Variants in C12orf42 observed in about 807,000 individuals in gnomAD.
The protein encoded by C12orf42 is uncharacterized protein C12orf42.
In C12orf42, 25 loss-of-function variants were observed where a neutral mutation model predicts 21.6. The ratio of observed to expected loss-of-function variants is 1.16; its 90% CI spans 0.84 to 1.62. The LOEUF (loss-of-function observed/expected upper bound fraction) is 1.62. Ranked by LOEUF, C12orf42 falls within the 40% of genes most tolerant of loss-of-function variation. The pLI is 0.00. For missense variants in C12orf42, 483 were observed against 459.3 expected, an observed-to-expected ratio of 1.05 and a Z score of -0.47; for synonymous variants, 174 against 175.0, an observed-to-expected ratio of 0.99 and a Z score of 0.05.
the C12orf42 span, among the ~76,000 whole-genome samples, chr12:103,528,380 A>T: frequency 6.6e-6 from 1 of 152,236 alleles, no homozygotes; most frequent in African/African-American, 2.4e-5. Flanking sequence ...CCTTTGCCTG[A>T]TGCTATAGTT....
chr12:103,451,233 G>C (rs1419034914), intron 2 of C12orf42, among the ~76,000 whole-genome samples: 3 of 151,320 alleles, frequency 2.0e-5, no homozygotes, highest in Non-Finnish European at 4.4e-5. Flanking sequence ...TTATTTATTT[G>C]TTTATTTATT....
At chr12:103,155,237 C>T in the C12orf42 span, 1 of 152,168 alleles carries the variant, frequency 6.6e-6, no homozygotes, top group African/African-American at 2.4e-5. Context: ...ACGGCCAAAT[C>T]ACAGCTCTGA....
chr12:103,505,487 G>C, the C12orf42 span: 2 of 386,338 alleles, frequency 5.2e-6, 1 homozygote, highest in South Asian at 4.2e-5. Context: ...TCATGGGAAC[G>C]TGGTAGGGAC....
At chr12:103,244,020 G>A (rs898297648) in intron 10 of C12orf42, among the ~76,000 whole-genome samples, 7 of 152,080 alleles carry the variant, frequency 4.6e-5, no homozygotes, top group African/African-American at 1.7e-4. Context: ...AATTTTCCAA[G>A]GTTGATTCCA....
the C12orf42 span, among the ~76,000 whole-genome samples, chr12:103,123,235 A>T: frequency 6.6e-6 from 1 of 152,202 alleles, no homozygotes; most frequent in Admixed American, 6.5e-5. Context: ...AGGTTACCTA[A>T]GGAAAAATTC....
At chr12:103,158,985 G>A in the C12orf42 span, among the ~76,000 whole-genome samples, 2,535 of 145,956 alleles carry the variant, frequency 0.017, 28 homozygotes, top group South Asian at 0.035. Flanking sequence ...AGAAGGTACA[G>A]TTTTATCTGT....
Position 103,284,158 on chromosome 12 carries a change from G to A in C12orf42, n.338-6948C>T, listed in dbSNP as rs185130522. Among the ~76,000 whole-genome samples, 51 of 152,184 alleles carry A rather than the reference G, an allele frequency of 3.4e-4. No homozygotes were observed. In the East Asian group the frequency reaches 4.8e-3, roughly 14 times the overall value. On this transcript the variant is annotated intron_variant and non_coding_transcript_variant, in intron 4 of 6. Transcript: ENST00000546526. ...TGTCTCGGAGAACATTACATAAGAC[G>A]GCAAGGGCTTCTTTTATTTCTGAAA...
At chr12:103,345,473 T>C (rs2042536941) in intron 4 of C12orf42, among the ~76,000 whole-genome samples, 1 of 152,196 alleles carries the variant, frequency 6.6e-6, no homozygotes, top group Non-Finnish European at 1.5e-5. Context: ...TTCACAGCAC[T>C]TTTACCATCA....
chr12:103,051,133 A>T, the C12orf42 span, among the ~76,000 whole-genome samples: 2 of 152,204 alleles, frequency 1.3e-5, no homozygotes, highest in African/African-American at 4.8e-5. Context: ...GAAAATCATA[A>T]TTTAAAAAAT....
chr12:103,425,816 T>C (rs1267445816), intron 2 of C12orf42, among the ~76,000 whole-genome samples: 1 of 152,108 alleles, frequency 6.6e-6, no homozygotes, highest in South Asian at 2.1e-4. Context: ...GTGAGGAATC[T>C]AGAGAGGCAG....
chr12:103,292,352 GT>G (rs1179760139), intron 4 of C12orf42, among the ~76,000 whole-genome samples: 1 of 152,004 alleles, frequency 6.6e-6, no homozygotes, highest in Non-Finnish European at 1.5e-5. Context: ...CTCATGAATT[GT>G]ACACTTAAGA....
At chr12:103,440,851 A>C (rs1447309703) in intron 2 of C12orf42, among the ~76,000 whole-genome samples, 3 of 152,080 alleles carry the variant, frequency 2.0e-5, no homozygotes, top group African/African-American at 7.2e-5. Flanking sequence ...TCATTTCTCA[A>C]CCTCTGACCA....
the C12orf42 span, among the ~76,000 whole-genome samples, chr12:103,543,311 G>A: frequency 6.6e-6 from 1 of 152,090 alleles, no homozygotes; most frequent in Non-Finnish European, 1.5e-5. Context: ...CTTATACAGT[G>A]CAAAATTCTT....
the C12orf42 span, among the ~76,000 whole-genome samples, chr12:103,062,408 G>A: frequency 1.3e-5 from 2 of 151,666 alleles, no homozygotes; most frequent in African/African-American, 4.8e-5. Context: ...ATTTTTACTT[G>A]ATACTAAATT....
intron 1 of C12orf42, among the ~76,000 whole-genome samples, chr12:103,487,963 T>C (rs1228290029): frequency 6.6e-6 from 1 of 152,250 alleles, no homozygotes; most frequent in Admixed American, 6.5e-5. Context: ...ACATTTAAGG[T>C]TAATATTGTT....
At chr12:103,281,823 T>G (rs1289345991) in intron 4 of C12orf42, among the ~76,000 whole-genome samples, 1 of 147,090 alleles carries the variant, frequency 6.8e-6, no homozygotes, top group Non-Finnish European at 1.5e-5. Context: ...TTCCTGCTAG[T>G]GTGAAAAAAA....
upstream of C12orf42, among the ~76,000 whole-genome samples, chr12:103,496,805 C>T (rs1180354604): frequency 1.8e-5 from 1 of 54,286 alleles, no homozygotes; most frequent in Admixed American, 3.3e-4. Flanking sequence ...TAAAATATTT[C>T]TAGCCGGGAA....
intron 4 of C12orf42, among the ~76,000 whole-genome samples, chr12:103,354,967 CT>C (rs1226385543): frequency 6.6e-6 from 1 of 152,062 alleles, no homozygotes; most frequent in Non-Finnish European, 1.5e-5. Context: ...GCTAATTACC[CT>C]GATGTATCAT....
intron 2 of C12orf42, among the ~76,000 whole-genome samples, chr12:103,433,969 G>A (rs891234213): frequency 5.3e-5 from 8 of 152,196 alleles, no homozygotes; most frequent in African/African-American, 1.4e-4. Flanking sequence ...CATGATGTTC[G>A]AGAATTTCTA....
Sources: gnomAD v4.1 joint callset for allele counts (sites outside exome capture counted in the v4.1 genomes callset) on GRCh38, gnomAD v4.1.1 for gene constraint, MANE v1.5 for transcripts, NCBI Gene and HGNC (gene_info 2026-07-23, HGNC 2026-07-21) for gene names.